The following AHCYL2 variants were observed in gnomAD, a reference collection of about 807,000 sequenced individuals.
AHCYL2 encodes the protein S-adenosylhomocysteine hydrolase-like protein 2.
Under a neutral mutation model 81.4 loss-of-function variants are expected in AHCYL2, and 28 were observed. The ratio of observed to expected loss-of-function variants is 0.34; its 90% CI spans 0.25 to 0.47. AHCYL2 has a LOEUF of 0.47. Among genes scored for constraint, AHCYL2 ranks in the 20% least tolerant of loss-of-function variants. The pLI, the probability that AHCYL2 is intolerant of heterozygous loss-of-function variation, is 1.00. For missense variants in AHCYL2, 551 were observed against 785.1 expected, an observed-to-expected ratio of 0.70 and a Z score of 3.56; for synonymous variants, 272 against 290.2, an observed-to-expected ratio of 0.94 and a Z score of 0.64.
At chr7:129,363,253 A>G (rs1034407823) in intron 1 of AHCYL2, among the ~76,000 whole-genome samples, 1 of 152,164 alleles carries the variant, frequency 6.6e-6, no homozygotes, top group Non-Finnish European at 1.5e-5. Flanking sequence ...TGCCCTGGCT[A>G]TAGGTGTATC....
intron 1 of AHCYL2, among the ~76,000 whole-genome samples, chr7:129,344,238 C>T (rs1401181677): frequency 4.6e-5 from 7 of 152,128 alleles, no homozygotes; most frequent in Non-Finnish European, 1.0e-4. Context: ...TTCACCCTTA[C>T]CTATGCATTT....
At chr7:129,275,250 G>A (rs2150733014) in intron 1 of AHCYL2, among the ~76,000 whole-genome samples, 1 of 151,858 alleles carries the variant, frequency 6.6e-6, no homozygotes, top group East Asian at 1.9e-4. Context: ...AGGCATGGTG[G>A]TGTGCACCTG....
At chr7:129,409,017 A>G (rs1393157120) in intron 10 of AHCYL2, among the ~76,000 whole-genome samples, 2 of 152,062 alleles carry the variant, frequency 1.3e-5, no homozygotes, top group Non-Finnish European at 2.9e-5. Flanking sequence ...TAGAGGCTGT[A>G]GTGCACTATG....
rs951222934 is a variant in AHCYL2 at position 129,427,022 on chromosome 7, T to C, written c.1830-17T>C. ...TAGCTGATAACATCACAGTCTCATC[T>C]TTCTTTTTCCCTCCAGGTATTAAGT... On this transcript the variant is annotated splice_polypyrimidine_tract_variant and intron_variant, in intron 16 of 16. Transcript: ENST00000325006. This position sits in a 1 kb window ranked among gnomAD's most constrained non-coding sequence, Gnocchi z 5.5. The C allele has an allele frequency of 1.1e-5, 17 of 1,610,464 alleles. No individual in the cohort carries two copies. In the Admixed American group the frequency reaches 1.3e-4, roughly 13 times the overall value.
intron 1 of AHCYL2, among the ~76,000 whole-genome samples, chr7:129,315,035 A>G (rs907136819): frequency 5.3e-5 from 8 of 152,138 alleles, no homozygotes; most frequent in Non-Finnish European, 1.2e-4. Context: ...AGCACATCAT[A>G]CAGCACCTAC....
intron 1 of AHCYL2, among the ~76,000 whole-genome samples, chr7:129,232,700 C>T (rs769101406): frequency 1.9e-4 from 29 of 152,204 alleles, no homozygotes; most frequent in Non-Finnish European, 3.2e-4. Context: ...TAGTATCAGT[C>T]TCTAGCAGCA....
At chr7:129,325,822 C>T (rs1445585228) in intron 1 of AHCYL2, among the ~76,000 whole-genome samples, 1 of 151,950 alleles carries the variant, frequency 6.6e-6, no homozygotes, top group African/African-American at 2.4e-5. Context: ...TCTCCCGCCT[C>T]AGCCTCCCGA....
chr7:129,226,848 G>C (rs550683491), intron 1 of AHCYL2, among the ~76,000 whole-genome samples: 8 of 152,354 alleles, frequency 5.3e-5, no homozygotes, highest in Admixed American at 5.2e-4. Flanking sequence ...GGCAGCAGCA[G>C]CACCAGTGCT....
At chr7:129,358,816 A>G (rs1793834514) in intron 1 of AHCYL2, among the ~76,000 whole-genome samples, 1 of 152,156 alleles carries the variant, frequency 6.6e-6, no homozygotes, top group Admixed American at 6.5e-5. Context: ...CAAGATATAG[A>G]TGAAAACCAC....
intron 1 of AHCYL2, among the ~76,000 whole-genome samples, chr7:129,322,741 A>G (rs1798084390): frequency 6.6e-6 from 1 of 152,012 alleles, no homozygotes; most frequent in Admixed American, 6.6e-5. Context: ...ATAGGCGTGC[A>G]TCACCATGCC....
intron 2 of AHCYL2, among the ~76,000 whole-genome samples, chr7:129,381,755 T>C (rs1442492633): frequency 6.6e-6 from 1 of 152,220 alleles, no homozygotes; most frequent in African/African-American, 2.4e-5. Context: ...CCCACTGTCC[T>C]GGTTACCCTC....
At chr7:129,409,651 G>T in intron 11 of AHCYL2, 105 bp downstream of exon 11, 1 of 972,274 alleles carries the variant, frequency 1.0e-6, no homozygotes, top group Non-Finnish European at 1.6e-6. Flanking sequence ...AAAAGCTAGA[G>T]AGAGATAGTA....
At chr7:129,379,573 G>T (rs1285025542) in intron 1 of AHCYL2, 65 bp from the exon 2 acceptor site, 8 of 1,235,152 alleles carry the variant, frequency 6.5e-6, no homozygotes, top group Admixed American at 6.4e-5. Flanking sequence ...TGTAATACAA[G>T]CCTTGAATTG....
intron 1 of AHCYL2, among the ~76,000 whole-genome samples, chr7:129,251,446 A>C (rs1563166969): frequency 6.6e-6 from 1 of 151,830 alleles, no homozygotes; most frequent in East Asian, 1.9e-4. Context: ...AAATTCTTGA[A>C]GCATTCTAGA....
intron 1 of AHCYL2, among the ~76,000 whole-genome samples, chr7:129,285,442 A>G (rs538771510): frequency 5.1e-4 from 78 of 152,226 alleles, no homozygotes; most frequent in African/African-American, 1.6e-3. Context: ...AGCTTCTCCT[A>G]CCCAGACCAG....
intron 1 of AHCYL2, among the ~76,000 whole-genome samples, chr7:129,281,583 G>A (rs528169182): frequency 3.5e-4 from 48 of 136,830 alleles, no homozygotes; most frequent in African/African-American, 1.2e-3. Flanking sequence ...TGCAAACTCC[G>A]CATCCTGGGC....
chr7:129,294,663 TC>T (rs1796994126), intron 1 of AHCYL2, among the ~76,000 whole-genome samples: 1 of 152,212 alleles, frequency 6.6e-6, no homozygotes, highest in South Asian at 2.1e-4. Context: ...CTGTAGCTGT[TC>T]ATCTGAACAG....
Position 129,368,513 on chromosome 7 carries a change from A to G in AHCYL2, c.364-11125A>G, listed in dbSNP as rs1454968058. The G allele has an allele frequency of 1.9e-6, 3 of 1,613,868 alleles. No individual in the cohort carries two copies. The African/African-American group carries it at 4.0e-5, about 22-fold the overall frequency. ...CTGCACTATGGAGAAGTGGGACGGT[A>G]ATGAGGGCACCTCAGCTTTTCACAT... On this transcript the variant is annotated intron_variant, in intron 1 of 16. Transcript: ENST00000325006. The surrounding 1 kb of genome is among the most constrained non-coding windows in gnomAD (Gnocchi z 4.4).
At chr7:129,424,750 C>CT in intron 13 of AHCYL2, 124 bp from the exon 14 acceptor site, 1 of 987,964 alleles carries the variant, frequency 1.0e-6, no homozygotes, top group Non-Finnish European at 1.6e-6. Flanking sequence ...TGAATAGCTG[C>CT]TTTTTTTCCA....
Sources: gnomAD v4.1 joint callset for allele counts (sites outside exome capture counted in the v4.1 genomes callset) on GRCh38, gnomAD v4.1.1 for gene constraint, Gnocchi (gnomAD v3.1) non-coding constraint, MANE v1.5 for transcripts, NCBI Gene and HGNC (gene_info 2026-07-23, HGNC 2026-07-21) for gene names.